The following GALNT15 variants were observed in gnomAD, a reference collection of about 807,000 sequenced individuals.
The protein encoded by GALNT15 is UDP-GalNAc transferase T15.
Under a neutral mutation model 66.8 loss-of-function variants are expected in GALNT15, and 67 were observed. The ratio of observed to expected loss-of-function variants is 1.00; its 90% CI spans 0.82 to 1.23. GALNT15 has a LOEUF of 1.23. GALNT15 is among the 50% of genes most tolerant of loss of function. GALNT15 has a pLI of 0.00. For synonymous variants in GALNT15, 313 were observed against 311.5 expected (o/e 1.00, Z -0.05); for missense variants, 827 against 804.3 (o/e 1.03, Z -0.34).
At chr3:16,221,023 G>T (rs1359404851) in intron 8 of GALNT15, among the ~76,000 whole-genome samples, 4 of 152,194 alleles carry the variant, frequency 2.6e-5, no homozygotes, top group Non-Finnish European at 5.9e-5. Flanking sequence ...GGTGAAAATT[G>T]TTCAAGCTTT....
chr3:16,200,582 T>G lies in GALNT15; in HGVS notation c.707-37T>G. On this transcript the variant is annotated intron_variant, in intron 2 of 9. Coordinates refer to ENST00000339732, the MANE Select transcript of GALNT15 (RefSeq NM_054110.5). The surrounding 1 kb of genome is among the most constrained non-coding windows in gnomAD (Gnocchi z 4.4). ...AGTCACAATCTCATCGGTTGTGGCA[T>G]TTGTCATTCCACTGACCACAACCCT... The G allele has an allele frequency of 6.9e-7, 1 of 1,440,256 alleles. No homozygotes were observed. Among genetic ancestry groups the G allele is most frequent in the Non-Finnish European group, 9.3e-7 (1 of 1,079,404 alleles). The allele number at this position is 1,440,256 out of a possible 1,614,324, so 89.2% of individuals were successfully genotyped here. A position where few individuals can be genotyped will look rare whatever the true frequency, so the allele number is the denominator to read the frequency against.
chr3:16,205,023 G>A (rs2063743105), intron 3 of GALNT15, among the ~76,000 whole-genome samples: 1 of 152,206 alleles, frequency 6.6e-6, no homozygotes, highest in Non-Finnish European at 1.5e-5. Flanking sequence ...CCCCCCCAGA[G>A]GGAGCAGCCT....
At chr3:16,244,470 C>A in the GALNT15 span, among the ~76,000 whole-genome samples, 1 of 152,198 alleles carries the variant, frequency 6.6e-6, no homozygotes, top group Non-Finnish European at 1.5e-5. Context: ...ATTTGTGCAC[C>A]ACTGCTACAC....
intron 8 of GALNT15, among the ~76,000 whole-genome samples, chr3:16,221,719 G>A (rs1031088123): frequency 3.2e-4 from 48 of 152,204 alleles, no homozygotes; most frequent in African/African-American, 1.1e-3. Flanking sequence ...TCCCTACAGG[G>A]GCTTTGAGTA....
rs187999110 is a variant in GALNT15, at chr3:16,209,244, C to A, written c.1079+574C>A. On this transcript the variant is annotated intron_variant, in intron 4 of 9. Coordinates refer to ENST00000339732, the MANE Select transcript of GALNT15 (RefSeq NM_054110.5). This position sits in a 1 kb window ranked among gnomAD's most constrained non-coding sequence, Gnocchi z 4.1. ...ACCTCAAACTTGGTGTAAAACACAG[C>A]CATTTTATTAAGCTCATGAATTCTG... Among the ~76,000 whole-genome samples the A allele has an allele frequency of 1.2e-3, 182 of 152,256 alleles. 1 individual carries two copies. Among genetic ancestry groups the A allele is most frequent in the African/African-American group, 4.1e-3 (169 of 41,550 alleles).
At chr3:16,212,845 T>C in intron 6 of GALNT15, 82 bp downstream of exon 6, 1 of 1,236,634 alleles carries the variant, frequency 8.1e-7, no homozygotes, top group South Asian at 1.4e-5. Flanking sequence ...TCCTTTCTCT[T>C]GCCTGGAGGG....
chr3:16,219,811 GGCT>G lies in GALNT15; in HGVS notation c.1525-96_1525-94del. The G allele has an allele frequency of 9.6e-7, 1 of 1,040,892 alleles. No individual in the cohort carries two copies. Among genetic ancestry groups the G allele is most frequent in the Non-Finnish European group, 1.5e-6 (1 of 665,262 alleles). The allele number at this position is 1,040,892 out of a possible 1,614,324, so 64.5% of individuals were successfully genotyped here. A position where few individuals can be genotyped will look rare whatever the true frequency, so the allele number is the denominator to read the frequency against. ...GTTGTGGCCTGAACAATGTGCCTTG[GGCT>G]GCACTCCAGAGAATACAGCAAAGGA... On this transcript the variant is annotated intron_variant, in intron 7 of 9. Coordinates refer to ENST00000339732, the MANE Select transcript of GALNT15 (RefSeq NM_054110.5). This position sits in a 1 kb window ranked among gnomAD's most constrained non-coding sequence, Gnocchi z 4.3.
chr3:16,209,563 A>G lies in GALNT15; in HGVS notation c.1079+893A>G, dbSNP rs948230845. ...CCAGATGCAGTGACTCATGCCTGTA[A>G]TCCTAGCACTTTGGGAGGCAGAGGC... On this transcript the variant is annotated intron_variant, in intron 4 of 9. Coordinates refer to ENST00000339732, the MANE Select transcript of GALNT15 (RefSeq NM_054110.5). This position sits in a 1 kb window ranked among gnomAD's most constrained non-coding sequence, Gnocchi z 4.1. 2.0e-5 allele frequency among the ~76,000 whole-genome samples: 3 copies of G among 152,204 alleles called. No individual in the cohort carries two copies.
intron 2 of GALNT15, among the ~76,000 whole-genome samples, chr3:16,196,450 A>G (rs1042426731): frequency 1.3e-5 from 2 of 152,162 alleles, no homozygotes; most frequent in African/African-American, 4.8e-5. Context: ...CAAAAGCAGC[A>G]GAGTCAGGCC....
intron 1 of GALNT15, among the ~76,000 whole-genome samples, chr3:16,179,172 T>C (rs1270374213): frequency 3.3e-5 from 5 of 152,270 alleles, no homozygotes; most frequent in Non-Finnish European, 7.3e-5. Context: ...TATTGAGCAC[T>C]TACTATGTGC....
At chr3:16,202,976 C>T (rs763623790) in intron 3 of GALNT15, among the ~76,000 whole-genome samples, 1 of 152,184 alleles carries the variant, frequency 6.6e-6, no homozygotes, top group Non-Finnish European at 1.5e-5. Flanking sequence ...CATCATTAAA[C>T]TTTATGTATG....
At chr3:16,199,537 A>G (rs4684270) in intron 2 of GALNT15, among the ~76,000 whole-genome samples, 70,469 of 140,898 alleles carry the variant, frequency 0.5, 23,355 homozygotes, top group East Asian at 0.74. Context: ...GGTTTCCTGA[A>G]AGCAGGGCCT....
intron 3 of GALNT15, among the ~76,000 whole-genome samples, chr3:16,202,976 C>A (rs763623790): frequency 5.3e-5 from 8 of 152,184 alleles, no homozygotes; most frequent in Non-Finnish European, 8.8e-5. Flanking sequence ...CATCATTAAA[C>A]TTTATGTATG....
At chr3:16,194,342 A>C (rs953188888) in intron 1 of GALNT15, among the ~76,000 whole-genome samples, 2 of 152,196 alleles carry the variant, frequency 1.3e-5, no homozygotes, top group Non-Finnish European at 2.9e-5. Flanking sequence ...CTCTTTTAGA[A>C]GTGTCTGTTC....
rs769690609 is a variant in GALNT15 at position 16,175,242 on chromosome 3, G to A, written c.91G>A (p.Ala31Thr). The A allele has an allele frequency of 1.2e-6, 2 of 1,614,130 alleles. No individual in the cohort carries two copies. The highest frequency in any genetic ancestry group is 1.1e-5 in the South Asian group (1 of 91,070). ...LMLGCVLMMV[A>T]MLHPPHHTLH... ...GCTGGGATGCGTCCTGATGATGGTG[G>A]CGATGTTGCACCCTCCCCACCACAC... The change falls in exon 1 of 10, where the codon GCG (alanine) becomes ACG (threonine). Residue 31 changes from alanine (A) to threonine (T), a missense_variant. Physicochemically the swap from Ala to Thr is moderately conservative, Grantham distance 58. Coordinates refer to ENST00000339732, the MANE Select transcript of GALNT15 (RefSeq NM_054110.5). This position sits in a 1 kb window ranked among gnomAD's most constrained non-coding sequence, Gnocchi z 5.6.
chr3:16,202,845 G>A (rs6800864), intron 3 of GALNT15, among the ~76,000 whole-genome samples: 13,215 of 152,226 alleles, frequency 0.087, 925 homozygotes, highest in African/African-American at 0.19. Context: ...TCATGATTTC[G>A]CTATCGAGAA....
chr3:16,222,711 A>T lies in GALNT15; in HGVS notation c.1726A>T (p.Thr576Ser). 1.2e-6 allele frequency: 2 copies of T among 1,614,244 alleles called. No homozygotes were observed. The highest frequency in any genetic ancestry group is 1.7e-6 in the Non-Finnish European group (2 of 1,180,046). Residue 576 changes from threonine to serine, a missense_variant, in exon 9 of 10, where the codon ACG becomes TCG. Coordinates refer to ENST00000339732, the MANE Select transcript of GALNT15 (RefSeq NM_054110.5). Reference protein sequence around the residue: ...RQEQVILQNCTEEGLAIHQQH... With the variant: ...RQEQVILQNCSEEGLAIHQQH... ...GGAGCAGGTGATTCTTCAGAACTGC[A>T]CGGAGGAAGGCCTGGCCATCCACCA...
At chr3:16,192,115 C>T (rs999031300) in intron 1 of GALNT15, among the ~76,000 whole-genome samples, 3 of 152,150 alleles carry the variant, frequency 2.0e-5, no homozygotes, top group African/African-American at 2.4e-5. Flanking sequence ...TAGGAAGCAA[C>T]GGAGTGAACA....
At chr3:16,190,814 C>T (rs975544687) in intron 1 of GALNT15, among the ~76,000 whole-genome samples, 2 of 152,194 alleles carry the variant, frequency 1.3e-5, no homozygotes, top group Non-Finnish European at 2.9e-5. Context: ...CGCTCAGCTG[C>T]TGCTGGTCCT....
Sources: gnomAD v4.1 joint callset for allele counts (sites outside exome capture counted in the v4.1 genomes callset) on GRCh38, gnomAD v4.1.1 for gene constraint, Gnocchi (gnomAD v3.1) non-coding constraint, MANE v1.5 for transcripts, NCBI Gene and HGNC (gene_info 2026-07-23, HGNC 2026-07-21) for gene names.